Variants in FILIP1 observed in about 807,000 individuals in gnomAD.
FILIP1 encodes the protein filamin-A-interacting protein 1.
Under a neutral mutation model 102.1 loss-of-function variants are expected in FILIP1, and 61 were observed. The observed-to-expected ratio is 0.60, with a 90% confidence interval of 0.49 to 0.74. FILIP1 has a LOEUF of 0.74. FILIP1 is among the 30% of genes least tolerant of loss of function. FILIP1 has a pLI of 0.00. For synonymous variants in FILIP1, 491 were observed against 526.9 expected (o/e 0.93, Z 0.93); for missense variants, 1,314 against 1,441.2 (o/e 0.91, Z 1.43).
At chr6:75,324,751 T>C in intron 4 of FILIP1, among the ~76,000 whole-genome samples, 1 of 152,134 alleles carries the variant, frequency 6.6e-6, no homozygotes. Flanking sequence ...TGTAGACCAA[T>C]GGAACAGAAT....
chr6:75,398,467 T>C (rs1288196375), intron 2 of FILIP1, among the ~76,000 whole-genome samples: 2 of 152,102 alleles, frequency 1.3e-5, no homozygotes, highest in Non-Finnish European at 2.9e-5. Flanking sequence ...ACTACACTAG[T>C]AGAGGTCTCC....
chr6:75,395,592 A>G (rs1472371693), intron 2 of FILIP1, among the ~76,000 whole-genome samples: 3 of 152,196 alleles, frequency 2.0e-5, no homozygotes, highest in Non-Finnish European at 4.4e-5. Flanking sequence ...ATTTCTAAAT[A>G]TATAAACTTT....
At position 75,410,334 on chromosome 6, in the gene FILIP1, A is replaced by AT. The variant is rs1224000999; in HGVS notation, c.276+4362dup. 7.4e-3 allele frequency among the ~76,000 whole-genome samples: 1,109 copies of AT among 150,182 alleles called. 11 individuals are homozygous for AT. The highest frequency in any genetic ancestry group is 0.026 in the African/African-American group (1,056 of 40,906). On this transcript the variant is annotated intron_variant, in intron 2 of 5. Coordinates refer to ENST00000237172, the MANE Select transcript of FILIP1 (RefSeq NM_015687.5). The stretch of plus-strand genomic sequence containing the variant: ...CTCTCAGCACCAGCCATTCAGAAAG[A>AT]TTTTTTTTTTCTTATCTCTAGCCCG...
intron 2 of FILIP1, among the ~76,000 whole-genome samples, chr6:75,395,106 T>C (rs965438892): frequency 6.6e-6 from 1 of 152,102 alleles, no homozygotes; most frequent in Non-Finnish European, 1.5e-5. Flanking sequence ...TTCCAAGCCA[T>C]ATTTGATATC....
rs778519939 is a variant in FILIP1, at chr6:75,313,886, A to G, written c.1946T>C (p.Val649Ala). The G allele has an allele frequency of 5.0e-6, 8 of 1,613,870 alleles. No homozygotes were observed. In the African/African-American group the frequency reaches 9.3e-5, roughly 19 times the overall value. Reference protein sequence around the residue: ...LKKRLQQLEVVEGDLMKTEDE... With the variant: ...LKKRLQQLEVAEGDLMKTEDE... ...TTCTGTCTTCATCAAATCCCCTTCG[A>G]CCACTTCCAATTGTTGGAGACGTTT... The change falls in exon 5 of 6, where the codon GTC (valine) becomes GCC (alanine). Residue 649 changes from valine to alanine, a missense_variant. Val to Ala is a moderately conservative substitution (Grantham distance 64). Around this residue, in one of 3 missense-constraint regions of FILIP1, gnomAD observed 816 missense variants for 913.1 expected, o/e 0.89. Transcript: ENST00000237172. This position sits in a 1 kb window ranked among gnomAD's most constrained non-coding sequence, Gnocchi z 4.2.
chr6:75,413,043 T>C (rs1562565039), intron 2 of FILIP1, among the ~76,000 whole-genome samples: 1 of 152,176 alleles, frequency 6.6e-6, no homozygotes, highest in Non-Finnish European at 1.5e-5. Context: ...TGTGAGTTTA[T>C]ATTTTGCATA....
chr6:75,464,053 T>C (rs1287410022), intron 1 of FILIP1, among the ~76,000 whole-genome samples: 1 of 152,222 alleles, frequency 6.6e-6, no homozygotes, highest in Non-Finnish European at 1.5e-5. Context: ...CAGAGGTCAT[T>C]CTGGCACAGA....
At chr6:75,369,028 A>G (rs1451284745) in intron 2 of FILIP1, among the ~76,000 whole-genome samples, 1 of 152,208 alleles carries the variant, frequency 6.6e-6, no homozygotes, top group Non-Finnish European at 1.5e-5. Context: ...GACAGATGAC[A>G]AATTCAGCAT....
intron 1 of FILIP1, among the ~76,000 whole-genome samples, chr6:75,474,873 G>T (rs1277120164): frequency 1.3e-5 from 2 of 151,996 alleles, no homozygotes. Context: ...AATAGTGATG[G>T]AATTCTCATG....
intron 4 of FILIP1, among the ~76,000 whole-genome samples, chr6:75,338,964 T>C (rs1054267795): frequency 2.0e-5 from 3 of 152,162 alleles, no homozygotes; most frequent in Non-Finnish European, 4.4e-5. Context: ...CTTCAGTTCA[T>C]GAAAAAAAAT....
At chr6:75,487,599 G>C (rs539347276) in intron 1 of FILIP1, among the ~76,000 whole-genome samples, 2 of 151,732 alleles carry the variant, frequency 1.3e-5, no homozygotes, top group South Asian at 4.2e-4. Flanking sequence ...AGATCTTTTA[G>C]ATAAACAAGG....
At chr6:75,418,726 A>G (rs1283740616) in intron 1 of FILIP1, among the ~76,000 whole-genome samples, 2 of 152,264 alleles carry the variant, frequency 1.3e-5, no homozygotes, top group African/African-American at 4.8e-5. Flanking sequence ...GTTCTCCCCA[A>G]GAAAAATATA....
intron 4 of FILIP1, among the ~76,000 whole-genome samples, chr6:75,347,726 A>G (rs187513427): frequency 3.0e-4 from 46 of 152,250 alleles, no homozygotes; most frequent in Admixed American, 2.7e-3. Context: ...ATTCCCCCAC[A>G]TAGGACAGTA....
chr6:75,305,927 C>T (rs1218440559), downstream of FILIP1, among the ~76,000 whole-genome samples: 8 of 151,910 alleles, frequency 5.3e-5, no homozygotes, highest in Non-Finnish European at 2.9e-5. Context: ...CTACGCAGTA[C>T]GTTTCAGGAC....
At chr6:75,383,922 C>G (rs1775990188) in intron 2 of FILIP1, among the ~76,000 whole-genome samples, 1 of 152,096 alleles carries the variant, frequency 6.6e-6, no homozygotes, top group Non-Finnish European at 1.5e-5. Context: ...TATAAATTCT[C>G]CATATACATA....
intron 2 of FILIP1, among the ~76,000 whole-genome samples, chr6:75,381,172 C>T (rs1775894942): frequency 6.6e-6 from 1 of 152,072 alleles, no homozygotes; most frequent in African/African-American, 2.4e-5. Context: ...GTAGTGATGA[C>T]ACTGAGAATG....
intron 4 of FILIP1, among the ~76,000 whole-genome samples, chr6:75,338,393 TC>T (rs1246710846): frequency 3.9e-5 from 6 of 152,196 alleles, no homozygotes; most frequent in African/African-American, 1.4e-4. Context: ...TGAAGCACTT[TC>T]CAAACACAAG....
intron 1 of FILIP1, among the ~76,000 whole-genome samples, chr6:75,493,166 T>C (rs1265275584): frequency 3.9e-5 from 6 of 152,234 alleles, no homozygotes; most frequent in African/African-American, 1.4e-4. Flanking sequence ...GGGAGAAATA[T>C]TTTGATGTCT....
At chr6:75,382,539 C>G (rs1453409818) in intron 2 of FILIP1, among the ~76,000 whole-genome samples, 5 of 152,198 alleles carry the variant, frequency 3.3e-5, no homozygotes, top group Non-Finnish European at 7.3e-5. Context: ...AAAGAATTAA[C>G]TCTACTGTGC....
Sources: gnomAD v4.1 joint callset for allele counts (sites outside exome capture counted in the v4.1 genomes callset) on GRCh38, gnomAD v4.1.1 for gene constraint, gnomAD v4.1.1 regional missense constraint, Gnocchi (gnomAD v3.1) non-coding constraint, MANE v1.5 for transcripts, NCBI Gene and HGNC (gene_info 2026-07-23, HGNC 2026-07-21) for gene names.